MED27: variants seen among roughly 807,000 people sequenced by gnomAD.
MED27 encodes mediator complex subunit 27.
A neutral mutation model predicts 38.2 loss-of-function variants in MED27; 30 were observed. That is an observed-to-expected ratio of 0.79 (90% CI 0.59 to 1.07). The LOEUF (loss-of-function observed/expected upper bound fraction) is 1.07, where lower values mean the gene tolerates loss of function less well. Ranked by LOEUF, MED27 falls within the 50% of genes least tolerant of loss-of-function variation. The pLI is 0.00. For missense variants in MED27, 289 were observed against 397.5 expected (o/e 0.73, Z 2.32); for synonymous variants, 122 against 153.5 (o/e 0.79, Z 1.52).
chr9:131,936,846 C>T (rs557591423), intron 4 of MED27, among the ~76,000 whole-genome samples: 19 of 152,262 alleles, frequency 1.2e-4, no homozygotes, highest in African/African-American at 4.3e-4. Context: ...GAGGAAATGC[C>T]GTTTTATTTC....
intron 3 of MED27, among the ~76,000 whole-genome samples, chr9:131,943,096 A>G (rs1425999422): frequency 6.6e-6 from 1 of 152,192 alleles, no homozygotes; most frequent in Non-Finnish European, 1.5e-5. Context: ...GATTTTCAGG[A>G]GATTGTTTTC....
intron 4 of MED27, among the ~76,000 whole-genome samples, chr9:131,899,225 G>C (rs1829885854): frequency 6.6e-6 from 1 of 152,242 alleles, no homozygotes; most frequent in Non-Finnish European, 1.5e-5. Flanking sequence ...AGCCAGGTCA[G>C]TGAACTGGCT....
At chr9:131,967,942 T>C (rs1021579297) in intron 3 of MED27, among the ~76,000 whole-genome samples, 9 of 151,668 alleles carry the variant, frequency 5.9e-5, no homozygotes, top group Non-Finnish European at 8.8e-5. Flanking sequence ...CTCAGCCTCC[T>C]GATTAGCTGG....
rs549630142 is a variant in MED27 at position 131,887,890 on chromosome 9, G to A, written c.682-3791C>T. Among the ~76,000 whole-genome samples, 124 of 152,224 alleles carry A rather than the reference G, an allele frequency of 8.1e-4. 1 individual carries two copies. The highest frequency in any genetic ancestry group is 1.6e-3 in the Non-Finnish European group (107 of 68,042). On this transcript the variant is annotated intron_variant, in intron 5 of 7. Coordinates refer to ENST00000292035, the MANE Select transcript of MED27 (RefSeq NM_004269.4). Reference sequence around the variant, plus strand: ...AGCCTCCTGGCCTCTGGGGATTGCAGTAAGTATTTTAAGGGTGGGGTGTGG... The same window carrying A: ...AGCCTCCTGGCCTCTGGGGATTGCAATAAGTATTTTAAGGGTGGGGTGTGG...
At chr9:132,022,937 C>T (rs978518371) in intron 2 of MED27, among the ~76,000 whole-genome samples, 2 of 152,090 alleles carry the variant, frequency 1.3e-5, no homozygotes, top group African/African-American at 4.8e-5. Context: ...GAGATTCCTC[C>T]CTCAACACCT....
chr9:131,877,055 A>C (rs1050566553), intron 6 of MED27, among the ~76,000 whole-genome samples: 1 of 152,082 alleles, frequency 6.6e-6, no homozygotes, highest in Non-Finnish European at 1.5e-5. Flanking sequence ...AAGGGCCTTC[A>C]ACGACTCTGG....
chr9:132,037,441 G>A (rs750015256), intron 2 of MED27, among the ~76,000 whole-genome samples: 4 of 152,016 alleles, frequency 2.6e-5, no homozygotes, highest in African/African-American at 4.8e-5. Flanking sequence ...ACTGCCCAAC[G>A]CGCCTACACA....
chr9:131,962,120 G>A (rs895933364), intron 3 of MED27, among the ~76,000 whole-genome samples: 1 of 152,160 alleles, frequency 6.6e-6, no homozygotes, highest in Non-Finnish European at 1.5e-5. Context: ...CCATACACTA[G>A]TCTGAGATAG....
intron 3 of MED27, among the ~76,000 whole-genome samples, chr9:131,989,818 A>T (rs1831932035): frequency 6.6e-6 from 1 of 151,796 alleles, no homozygotes; most frequent in Non-Finnish European, 1.5e-5. Flanking sequence ...TCCTGGCATC[A>T]CTATCAATTC....
At chr9:132,023,790 GA>G (rs1337772051) in intron 2 of MED27, among the ~76,000 whole-genome samples, 1 of 152,156 alleles carries the variant, frequency 6.6e-6, no homozygotes, top group African/African-American at 2.4e-5. Context: ...GATATATGAT[GA>G]TGATGTCAGA....
chr9:131,895,678 T>C (rs1829819733), intron 4 of MED27, among the ~76,000 whole-genome samples: 1 of 152,258 alleles, frequency 6.6e-6, no homozygotes, highest in Non-Finnish European at 1.5e-5. Flanking sequence ...AAAGGCATCC[T>C]ATTTCTGTAT....
At chr9:132,031,787 T>C (rs893623621) in intron 2 of MED27, 1 of 151,046 alleles carries the variant, frequency 6.6e-6, no homozygotes, top group Non-Finnish European at 1.5e-5. Context: ...ATAAAAACTA[T>C]ACCAGGAAAA....
intron 2 of MED27, among the ~76,000 whole-genome samples, chr9:132,049,481 A>G (rs1392348396): frequency 1.3e-5 from 2 of 152,162 alleles, no homozygotes; most frequent in African/African-American, 4.8e-5. Context: ...GAGCAGCGGT[A>G]AAGTGGTCAT....
At chr9:131,983,762 T>C (rs748311968) in intron 3 of MED27, among the ~76,000 whole-genome samples, 17 of 152,226 alleles carry the variant, frequency 1.1e-4, no homozygotes, top group Non-Finnish European at 2.4e-4. Context: ...ATAACCGAAT[T>C]CATCTGTGCT....
intron 3 of MED27, among the ~76,000 whole-genome samples, chr9:131,973,457 C>CTT (rs747946439): frequency 0.022 from 2,695 of 122,082 alleles, 89 homozygotes; most frequent in African/African-American, 0.061. Context: ...TTTTTCTTTT[C>CTT]TTTTTTTTTT....
chr9:131,933,448 T>C (rs1336559522), intron 4 of MED27, among the ~76,000 whole-genome samples: 2 of 152,156 alleles, frequency 1.3e-5, no homozygotes, highest in African/African-American at 4.8e-5. Flanking sequence ...GTAGAATTTC[T>C]ATATGCTAAG....
intron 2 of MED27, among the ~76,000 whole-genome samples, chr9:132,020,105 A>ATC (rs1398842698): frequency 6.6e-6 from 1 of 152,236 alleles, no homozygotes; most frequent in East Asian, 1.9e-4. Context: ...GCACAGTGGC[A>ATC]TGTTGAACCT....
chr9:131,995,242 G>C (rs1453207472), intron 3 of MED27, among the ~76,000 whole-genome samples: 1 of 152,072 alleles, frequency 6.6e-6, no homozygotes, highest in Non-Finnish European at 1.5e-5. Flanking sequence ...ACCCACCATG[G>C]AAAAGGCATT....
intron 4 of MED27, among the ~76,000 whole-genome samples, chr9:131,920,418 A>G (rs985294029): frequency 3.9e-5 from 6 of 152,228 alleles, no homozygotes; most frequent in Non-Finnish European, 8.8e-5. Context: ...ACATGCATGA[A>G]TCTGAATCAA....
Sources: gnomAD v4.1 joint callset for allele counts (sites outside exome capture counted in the v4.1 genomes callset) on GRCh38, gnomAD v4.1.1 for gene constraint, MANE v1.5 for transcripts, NCBI Gene and HGNC (gene_info 2026-07-23, HGNC 2026-07-21) for gene names.